CAST: variants seen among roughly 807,000 people sequenced by gnomAD.
CAST encodes MIR583 host.
In CAST, 76 loss-of-function variants were observed where a neutral mutation model predicts 119.6. The observed-to-expected ratio is 0.64, with a 90% CI of 0.53 to 0.77. The LOEUF (loss-of-function observed/expected upper bound fraction) is 0.77, where lower values mean the gene tolerates loss of function less well. Ranked by LOEUF, CAST falls within the 30% of genes least tolerant of loss-of-function variation. CAST has a pLI of 0.00. For synonymous variants in CAST, 319 were observed against 331.6 expected, an observed-to-expected ratio of 0.96 and a Z score of 0.41; for missense variants, 953 against 946.5, an observed-to-expected ratio of 1.01 and a Z score of -0.09.
At chr5:96,177,867 C>G in the CAST span, among the ~76,000 whole-genome samples, 28 of 152,138 alleles carry the variant, frequency 1.8e-4, no homozygotes, top group Non-Finnish European at 1.5e-5. Context: ...TAGTGATTCC[C>G]CTGTTGATTC....
chr5:96,181,536 C>A, the CAST span, among the ~76,000 whole-genome samples: 1 of 152,296 alleles, frequency 6.6e-6, no homozygotes, highest in East Asian at 1.9e-4. Context: ...CTCTCCATTG[C>A]GTAGCTGTGA....
chr5:96,127,875 A>C, the CAST span, among the ~76,000 whole-genome samples: 3 of 152,086 alleles, frequency 2.0e-5, no homozygotes, highest in Admixed American at 2.0e-4. Flanking sequence ...TGGTATTATG[A>C]ATTATTGCAT....
At chr5:96,688,696 C>G (rs967809148) in intron 2 of CAST, among the ~76,000 whole-genome samples, 4 of 152,046 alleles carry the variant, frequency 2.6e-5, no homozygotes, top group Admixed American at 2.6e-4. Context: ...TAGGAAAAAA[C>G]TGAAATTAGT....
At chr5:96,024,214 C>T in the CAST span, among the ~76,000 whole-genome samples, 12 of 152,038 alleles carry the variant, frequency 7.9e-5, no homozygotes, top group African/African-American at 1.7e-4. Flanking sequence ...AGAATTTACT[C>T]GTATTGTGTC....
intron 1 of CAST, among the ~76,000 whole-genome samples, chr5:96,580,320 G>A (rs779991549): frequency 1.3e-5 from 2 of 152,084 alleles, no homozygotes; most frequent in Non-Finnish European, 2.9e-5. Context: ...ATTTAATGAC[G>A]ATAATGACAA....
At chr5:96,761,299 T>C (rs1767862325) in intron 24 of CAST, 1 of 152,272 alleles carries the variant, frequency 6.6e-6, no homozygotes, top group Non-Finnish European at 1.5e-5. Flanking sequence ...TGTTATTCTT[T>C]TCATTTGTCA....
At chr5:96,243,178 G>GTT in the CAST span, among the ~76,000 whole-genome samples, 5 of 130,716 alleles carry the variant, frequency 3.8e-5, no homozygotes, top group Non-Finnish European at 5.0e-5. Context: ...AGCAGCAACT[G>GTT]TTTTTTTTTT....
chr5:96,144,903 G>A, the CAST span, among the ~76,000 whole-genome samples: 1 of 151,868 alleles, frequency 6.6e-6, no homozygotes, highest in Non-Finnish European at 1.5e-5. Flanking sequence ...TTTATATACC[G>A]AACACTTTGC....
chr5:96,228,592 C>T, the CAST span, among the ~76,000 whole-genome samples: 23 of 152,212 alleles, frequency 1.5e-4, no homozygotes, highest in South Asian at 6.2e-4. Context: ...TTTGCTAATA[C>T]GCATAAATTT....
At chr5:96,515,951 G>T in the CAST span, among the ~76,000 whole-genome samples, 1 of 141,140 alleles carries the variant, frequency 7.1e-6, no homozygotes, top group Non-Finnish European at 1.6e-5. Context: ...CATTCTTCTA[G>T]ACTTCTAGTG....
chr5:96,504,885 T>A, the CAST span, among the ~76,000 whole-genome samples: 12 of 152,238 alleles, frequency 7.9e-5, no homozygotes, highest in Non-Finnish European at 1.3e-4. Context: ...GTAGCCTTTG[T>A]GTCTAGTGTG....
At chr5:96,348,429 G>T in the CAST span, among the ~76,000 whole-genome samples, 1 of 151,910 alleles carries the variant, frequency 6.6e-6, no homozygotes, top group Non-Finnish European at 1.5e-5. Context: ...ATTTGTTGGT[G>T]CCTGATTCCT....
the CAST span, among the ~76,000 whole-genome samples, chr5:96,356,587 G>A: frequency 6.6e-6 from 1 of 152,132 alleles, no homozygotes; most frequent in Non-Finnish European, 1.5e-5. Context: ...TATTAAATAG[G>A]GAATCCTTTC....
At chr5:96,328,493 G>A in the CAST span, among the ~76,000 whole-genome samples, 1 of 149,616 alleles carries the variant, frequency 6.7e-6, no homozygotes, top group African/African-American at 2.4e-5. Context: ...CTGGGCGTTT[G>A]TGTACACTTT....
intron 1 of CAST, among the ~76,000 whole-genome samples, chr5:96,563,744 C>T (rs1256150846): frequency 6.6e-6 from 1 of 152,074 alleles, no homozygotes; most frequent in Non-Finnish European, 1.5e-5. Context: ...AATTCCATTG[C>T]TAATTGGATT....
chr5:96,751,789 G>C (rs560812613), intron 20 of CAST, among the ~76,000 whole-genome samples: 1 of 152,268 alleles, frequency 6.6e-6, no homozygotes, highest in African/African-American at 2.4e-5. Context: ...GTGACTGCCC[G>C]GGCTTTAGAG....
the CAST span, among the ~76,000 whole-genome samples, chr5:96,446,770 A>G: frequency 6.6e-6 from 1 of 152,200 alleles, no homozygotes; most frequent in African/African-American, 2.4e-5. Flanking sequence ...ATAGATGAAG[A>G]GTCAGGCTGC....
At chr5:96,670,561 G>A (rs1049283395) in intron 1 of CAST, among the ~76,000 whole-genome samples, 1 of 152,040 alleles carries the variant, frequency 6.6e-6, no homozygotes, top group South Asian at 2.1e-4. Context: ...GCAATGGCAC[G>A]ATCTCAGCTC....
the CAST span, chr5:96,247,965 G>A: frequency 2.6e-5 from 4 of 152,332 alleles, no homozygotes; most frequent in Non-Finnish European, 5.9e-5. Flanking sequence ...CTGGCTTATA[G>A]CCTCAGCCCT....
Sources: gnomAD v4.1 joint callset for allele counts (sites outside exome capture counted in the v4.1 genomes callset) on GRCh38, gnomAD v4.1.1 for gene constraint, MANE v1.5 for transcripts, NCBI Gene and HGNC (gene_info 2026-07-23, HGNC 2026-07-21) for gene names.